The following USP48 variants were observed in gnomAD, a reference collection of about 807,000 sequenced individuals.
USP48 encodes ubiquitin specific peptidase 48.
A neutral mutation model predicts 150.7 loss-of-function variants in USP48; 43 were observed. The observed-to-expected ratio is 0.29, with a 90% CI of 0.22 to 0.37. The LOEUF (loss-of-function observed/expected upper bound fraction) is 0.37. Ranked by LOEUF, USP48 falls within the 10% of genes least tolerant of loss-of-function variation. The pLI is 1.00. For missense variants in USP48, 813 were observed against 1,249.6 expected, an observed-to-expected ratio of 0.65 and a Z score of 5.27; for synonymous variants, 396 against 425.9, an observed-to-expected ratio of 0.93 and a Z score of 0.86.
At chr1:21,694,663 G>A (rs920263562) in intron 23 of USP48, among the ~76,000 whole-genome samples, 1 of 139,050 alleles carries the variant, frequency 7.2e-6, no homozygotes, top group Non-Finnish European at 1.5e-5. Flanking sequence ...TGACAGCCTA[G>A]TGAATAAGCA....
At chr1:21,782,727 T>C (rs971189987) in intron 1 of USP48, 97 bp downstream of exon 1, 6 of 1,407,496 alleles carry the variant, frequency 4.3e-6, no homozygotes, top group African/African-American at 1.5e-5. Context: ...GCCTCCCAAA[T>C]GCACGCAAAG....
At chr1:21,734,645 T>C (rs771101178) in intron 9 of USP48, among the ~76,000 whole-genome samples, 2 of 152,192 alleles carry the variant, frequency 1.3e-5, no homozygotes, top group Non-Finnish European at 2.9e-5. Flanking sequence ...TCAGATACCA[T>C]AGTCTGAACC....
At chr1:21,777,997 G>T (rs2097904073) in intron 1 of USP48, among the ~76,000 whole-genome samples, 1 of 143,324 alleles carries the variant, frequency 7.0e-6, no homozygotes, top group Non-Finnish European at 1.5e-5. Flanking sequence ...AAAAAAATTA[G>T]CTAGGCGTGG....
At position 21,717,936 on chromosome 1, in the gene USP48, A is replaced by AAAAAC. The variant is rs538023963; in HGVS notation, c.1895-2484_1895-2480dup. On this transcript the variant is annotated intron_variant, in intron 14 of 26. Coordinates refer to ENST00000308271, the MANE Select transcript of USP48 (RefSeq NM_032236.8). ...GGGCAACAGAGGGAGACTCCGTCTCAAAAACAAAACAAAACAAAACAAAAC... is the reference window on the plus strand; with the variant it reads ...GGGCAACAGAGGGAGACTCCGTCTCAAAAACAAAACAAAACAAAACAAAACAAAAC... 4.8e-4 allele frequency among the ~76,000 whole-genome samples: 73 copies of AAAAAC among 152,352 alleles called. No homozygotes were observed. In the East Asian group the frequency reaches 9.8e-3, roughly 21 times the overall value.
intron 1 of USP48, among the ~76,000 whole-genome samples, chr1:21,774,471 G>A (rs777168941): frequency 4.6e-5 from 7 of 151,692 alleles, no homozygotes; most frequent in East Asian, 3.9e-4. Flanking sequence ...GGCAGATCGC[G>A]AGGTCAGGAG....
chr1:21,761,421 T>C (rs1185125986), intron 1 of USP48, among the ~76,000 whole-genome samples: 1 of 151,988 alleles, frequency 6.6e-6, no homozygotes, highest in African/African-American at 2.4e-5. Context: ...CATGCCACCA[T>C]ACTTGGATAA....
intron 17 of USP48, 28 bp downstream of exon 17, chr1:21,706,439 A>AT: frequency 1.9e-6 from 3 of 1,613,272 alleles, no homozygotes; most frequent in Non-Finnish European, 2.5e-6. Flanking sequence ...GAAAAGATGC[A>AT]TTCTTTCTTT....
chr1:21,755,584 T>C (rs1316959148), intron 3 of USP48, among the ~76,000 whole-genome samples: 1 of 151,902 alleles, frequency 6.6e-6, no homozygotes, highest in Non-Finnish European at 1.5e-5. Flanking sequence ...AAAAACCTTT[T>C]CTGTTCAAAT....
Position 21,679,164 on chromosome 1 carries a change from A to G in USP48, c.*253T>C. On this transcript the variant is annotated 3_prime_UTR_variant, in exon 27 of 27. Transcript: ENST00000308271. ...CTGCTACTAAACTTGTTCCGTCTTT[A>G]CTTGCCCCCTCCCACCCACCACCCC... The G allele has an allele frequency of 1.8e-6, 1 of 554,706 alleles. No individual in the cohort carries two copies. The highest frequency in any genetic ancestry group is 2.1e-5 in the South Asian group (1 of 46,998). The allele number at this position is 554,706 out of a possible 1,614,324, so 34.4% of individuals were successfully genotyped here. A position where few individuals can be genotyped will look rare whatever the true frequency, so the allele number is the denominator to read the frequency against.
Position 21,783,046 on chromosome 1 carries a change from C to T in USP48, c.-89G>A, listed in dbSNP as rs1396106517. On this transcript the variant is annotated 5_prime_UTR_variant, in exon 1 of 27. Coordinates refer to ENST00000308271, the MANE Select transcript of USP48 (RefSeq NM_032236.8). ...CCGCCCCAATGGGCTTCGCCACCTG[C>T]CAGCAAGGAGGACCTGGCGCTCCTT... The T allele has an allele frequency of 1.1e-5, 16 of 1,403,032 alleles. No individual in the cohort carries two copies. The highest frequency in any genetic ancestry group is 3.1e-5 in the South Asian group (2 of 64,170). 86.9% of individuals were successfully genotyped at this position (1,403,032 alleles called of 1,614,324 possible). A position where few individuals can be genotyped will look rare whatever the true frequency, so the allele number is the denominator to read the frequency against.
At chr1:21,695,713 T>C (rs1553120433) in intron 22 of USP48, among the ~76,000 whole-genome samples, 1 of 152,070 alleles carries the variant, frequency 6.6e-6, no homozygotes, top group Non-Finnish European at 1.5e-5. Context: ...GTCTCTTTTA[T>C]AAAAAAGACC....
At chr1:21,707,862 G>T (rs1230405615) in intron 15 of USP48, among the ~76,000 whole-genome samples, 1 of 152,152 alleles carries the variant, frequency 6.6e-6, no homozygotes, top group African/African-American at 2.4e-5. Flanking sequence ...ATAAAGCTGG[G>T]ATACGAAACC....
intron 22 of USP48, among the ~76,000 whole-genome samples, chr1:21,698,767 C>T (rs771849959): frequency 4.6e-5 from 7 of 151,842 alleles, no homozygotes; most frequent in African/African-American, 1.2e-4. Flanking sequence ...TGGTGGCGGG[C>T]GCCTGTAGTC....
At chr1:21,721,595 T>C in intron 13 of USP48, 55 bp downstream of exon 13, 1 of 1,100,354 alleles carries the variant, frequency 9.1e-7, no homozygotes. Flanking sequence ...TGCTTGGTTA[T>C]GACCTCTTGA....
At chr1:21,718,606 T>C (rs1177211246) in intron 14 of USP48, among the ~76,000 whole-genome samples, 1 of 151,480 alleles carries the variant, frequency 6.6e-6, no homozygotes. Context: ...TCGCCCAGGC[T>C]GGAATGCAGT....
At chr1:21,778,138 G>A (rs538030260) in intron 1 of USP48, among the ~76,000 whole-genome samples, 10 of 149,228 alleles carry the variant, frequency 6.7e-5, no homozygotes, top group Admixed American at 2.0e-4. Flanking sequence ...GTGAGACTCC[G>A]TCTGAAAAAA....
intron 24 of USP48, among the ~76,000 whole-genome samples, chr1:21,688,870 C>A (rs1035336442): frequency 5.5e-5 from 8 of 145,156 alleles, no homozygotes; most frequent in African/African-American, 1.0e-4. Flanking sequence ...AAAGAAGAAG[C>A]CCCTACTTTC....
At chr1:21,780,280 C>T (rs987662433) in intron 1 of USP48, among the ~76,000 whole-genome samples, 3 of 152,142 alleles carry the variant, frequency 2.0e-5, no homozygotes, top group Admixed American at 6.6e-5. Context: ...GGAAACATTA[C>T]GTTAAGTGAA....
intron 8 of USP48, among the ~76,000 whole-genome samples, chr1:21,738,157 A>T (rs557575900): frequency 6.7e-6 from 1 of 149,964 alleles, no homozygotes; most frequent in South Asian, 2.1e-4. Context: ...TCCTGGGTTC[A>T]AGTGATTCTC....
Sources: allele counts gnomAD v4.1 joint callset (sites outside exome capture counted in the v4.1 genomes callset), GRCh38; gene constraint gnomAD v4.1.1; transcripts MANE v1.5; gene names NCBI Gene and HGNC (gene_info 2026-07-23, HGNC 2026-07-21).